Variants in GPD1L observed in about 807,000 individuals in gnomAD.
GPD1L encodes the protein glycerol-3-phosphate dehydrogenase 1-like protein.
In GPD1L, 17 loss-of-function variants were observed where a neutral mutation model predicts 32.9. The observed-to-expected ratio is 0.52, with a 90% CI of 0.35 to 0.78. GPD1L has a LOEUF of 0.78. GPD1L is among the 30% of genes least tolerant of loss of function. The pLI, the probability that GPD1L is intolerant of heterozygous loss-of-function variation, is 0.01. For missense variants in GPD1L, 361 were observed against 447.8 expected (o/e 0.81, Z 1.75); for synonymous variants, 187 against 165.9 (o/e 1.13, Z -0.98).
chr3:32,150,798 ACT>A (rs1700908073), intron 5 of GPD1L, among the ~76,000 whole-genome samples: 1 of 152,056 alleles, frequency 6.6e-6, no homozygotes, highest in South Asian at 2.1e-4. Flanking sequence ...AAAAAGTGAA[ACT>A]CATCAATGGC....
Position 32,106,828 on chromosome 3 carries a change from C to T in GPD1L, c.47+70C>T. 4.2e-6 allele frequency: 6 copies of T among 1,413,100 alleles called. No individual in the cohort carries two copies. The highest frequency in any genetic ancestry group is 1.4e-5 in the South Asian group (1 of 71,698). The allele number at this position is 1,413,100 out of a possible 1,614,324, so 87.5% of individuals were successfully genotyped here. On this transcript the variant is annotated intron_variant, in intron 1 of 7. Coordinates refer to ENST00000282541, the MANE Select transcript of GPD1L (RefSeq NM_015141.4). The surrounding 1 kb of genome is among the most constrained non-coding windows in gnomAD (Gnocchi z 4.0). ...CGCCTCTCCCGGGCGGTGAGGGCTGCGCGCCCCATGCTGCGGCGTGGGCAC... is the reference window on the plus strand; with the variant it reads ...CGCCTCTCCCGGGCGGTGAGGGCTGTGCGCCCCATGCTGCGGCGTGGGCAC...
Position 32,142,930 on chromosome 3 carries a change from G to T in GPD1L, c.505+2564G>T, listed in dbSNP as rs1428338827. Among the ~76,000 whole-genome samples the T allele has an allele frequency of 3.9e-5, 6 of 152,154 alleles. No individual in the cohort carries two copies. In the East Asian group the frequency reaches 1.2e-3, roughly 29 times the overall value. On this transcript the variant is annotated intron_variant, in intron 4 of 7. Coordinates refer to ENST00000282541, the MANE Select transcript of GPD1L (RefSeq NM_015141.4). ...AAGTAAAGCATTTCTGGGTGGAGTA[G>T]CTCTCGTGAGGCTAAAGCCGAGGAT...
chr3:32,153,498 T>C (rs1700948018), intron 5 of GPD1L, among the ~76,000 whole-genome samples: 1 of 152,224 alleles, frequency 6.6e-6, no homozygotes, highest in African/African-American at 2.4e-5. Context: ...CAGCTTCATA[T>C]TGGTGCGACC....
intron 1 of GPD1L, among the ~76,000 whole-genome samples, chr3:32,123,791 A>AAGATAGAT (rs564716825): frequency 0.16 from 20,478 of 126,716 alleles, 1,701 homozygotes; most frequent in East Asian, 0.24. Flanking sequence ...CAGGAATTGA[A>AAGATAGAT]AGATAGATAG....
At chr3:32,141,631 T>C (rs527490536) in intron 4 of GPD1L, among the ~76,000 whole-genome samples, 13 of 152,214 alleles carry the variant, frequency 8.5e-5, no homozygotes, top group Non-Finnish European at 1.6e-4. Context: ...TAGCCTATGA[T>C]ACCACCTGCC....
At chr3:32,142,715 C>A (rs1700764789) in intron 4 of GPD1L, among the ~76,000 whole-genome samples, 1 of 152,224 alleles carries the variant, frequency 6.6e-6, no homozygotes, top group Non-Finnish European at 1.5e-5. Context: ...CTGATCCAAT[C>A]CTGGCTAGGA....
intron 5 of GPD1L, among the ~76,000 whole-genome samples, chr3:32,156,819 A>G (rs1022585342): frequency 2.6e-5 from 4 of 152,128 alleles, no homozygotes; most frequent in African/African-American, 7.2e-5. Context: ...CTCACATTTT[A>G]TAGGCCTGAT....
At chr3:32,164,515 G>T (rs910664669) in intron 7 of GPD1L, among the ~76,000 whole-genome samples, 2 of 152,166 alleles carry the variant, frequency 1.3e-5, no homozygotes, top group African/African-American at 4.8e-5. Context: ...TCCACCATTT[G>T]CCAAGTGTGT....
intron 1 of GPD1L, among the ~76,000 whole-genome samples, chr3:32,113,169 G>A (rs1157480699): frequency 6.6e-6 from 1 of 151,862 alleles, no homozygotes; most frequent in African/African-American, 2.4e-5. Flanking sequence ...TTCTCCTATA[G>A]ATATGACAGA....
At chr3:32,160,855 T>G (rs1167368302) in intron 7 of GPD1L, among the ~76,000 whole-genome samples, 1 of 152,114 alleles carries the variant, frequency 6.6e-6, no homozygotes, top group Non-Finnish European at 1.5e-5. Flanking sequence ...TGAGCATGAT[T>G]GTGGAGGACC....
At chr3:32,108,214 C>G (rs138717761) in intron 1 of GPD1L, among the ~76,000 whole-genome samples, 22 of 152,048 alleles carry the variant, frequency 1.4e-4, no homozygotes, top group East Asian at 7.7e-4. Flanking sequence ...GGCAAAACCC[C>G]GCCTCTACAA....
chr3:32,146,219 T>G (rs1700823444), intron 4 of GPD1L, among the ~76,000 whole-genome samples: 1 of 151,966 alleles, frequency 6.6e-6, no homozygotes, highest in African/African-American at 2.4e-5. Flanking sequence ...CCTGAGTAGC[T>G]GGGACCACAG....
At chr3:32,119,112 A>G (rs1700371418) in intron 1 of GPD1L, among the ~76,000 whole-genome samples, 2 of 152,270 alleles carry the variant, frequency 1.3e-5, no homozygotes, top group Non-Finnish European at 2.9e-5. Context: ...CCTGCTTTCA[A>G]TTCTTTGGGG....
chr3:32,108,577 T>G (rs185446014), intron 1 of GPD1L, among the ~76,000 whole-genome samples: 103 of 152,262 alleles, frequency 6.8e-4, no homozygotes, highest in Non-Finnish European at 1.2e-3. Context: ...CAGTGAAACA[T>G]CACCCATCCA....
At chr3:32,128,829 C>T (rs1559573328) in intron 2 of GPD1L, among the ~76,000 whole-genome samples, 1 of 152,184 alleles carries the variant, frequency 6.6e-6, no homozygotes, top group African/African-American at 2.4e-5. Context: ...CCAAGTAGCT[C>T]CTGCTGTACC....
At chr3:32,121,767 CTA>C (rs201955629) in intron 1 of GPD1L, among the ~76,000 whole-genome samples, 14 of 131,514 alleles carry the variant, frequency 1.1e-4, no homozygotes, top group East Asian at 2.6e-4. Flanking sequence ...ATATATATTT[CTA>C]TATATATATA....
At chr3:32,138,525 C>T (rs1355302043) in intron 2 of GPD1L, 62 bp from the exon 3 acceptor site, 1 of 1,530,590 alleles carries the variant, frequency 6.5e-7, no homozygotes, top group Non-Finnish European at 9.1e-7. Context: ...TGAGTGAAAC[C>T]TTGTGGACAG....
intron 1 of GPD1L, among the ~76,000 whole-genome samples, chr3:32,117,869 C>G (rs528829884): frequency 6.6e-6 from 1 of 152,216 alleles, no homozygotes; most frequent in Admixed American, 6.6e-5. Flanking sequence ...TCTTTGATTC[C>G]GATCTGAATT....
At chr3:32,143,186 C>A (rs1700773457) in intron 4 of GPD1L, among the ~76,000 whole-genome samples, 1 of 151,210 alleles carries the variant, frequency 6.6e-6, no homozygotes, top group African/African-American at 2.4e-5. Context: ...GACAGCAATA[C>A]CCTGTCTCTT....
Sources: allele counts gnomAD v4.1 joint callset (sites outside exome capture counted in the v4.1 genomes callset), GRCh38; gene constraint gnomAD v4.1.1; non-coding constraint Gnocchi (gnomAD v3.1); transcripts MANE v1.5; gene names NCBI Gene and HGNC (gene_info 2026-07-23, HGNC 2026-07-21).